Variants in RCAN2 observed in about 807,000 individuals in gnomAD.
The protein encoded by RCAN2 is calcipressin-2.
RCAN2 carries 9 observed loss-of-function variants against 23.6 expected under a neutral mutation model. That is an observed-to-expected ratio of 0.38 (90% CI 0.23 to 0.67). The LOEUF (loss-of-function observed/expected upper bound fraction) is 0.67, where lower values mean the gene tolerates loss of function less well. RCAN2 is among the 30% of genes least tolerant of loss of function. RCAN2 has a pLI of 0.51. For missense variants in RCAN2, 273 were observed against 302.3 expected, an observed-to-expected ratio of 0.90 and a Z score of 0.72; for synonymous variants, 109 against 115.7, an observed-to-expected ratio of 0.94 and a Z score of 0.37.
Position 46,453,740 on chromosome 6 carries a change from T to G in RCAN2, c.225+3012A>C, listed in dbSNP as rs139487411. ...AGAATGCTGCAAGACTCATTTGTGA[T>G]AGAAAGCAAAAGGTTTAATTCCTAC... On this transcript the variant is annotated intron_variant, in intron 2 of 4. Transcript: ENST00000371374. Among the ~76,000 whole-genome samples the G allele has an allele frequency of 5.7e-3, 869 of 152,292 alleles. 9 individuals are homozygous for G. The highest frequency in any genetic ancestry group is 7.8e-3 in the Non-Finnish European group (532 of 68,020).
intron 2 of RCAN2, among the ~76,000 whole-genome samples, chr6:46,290,150 T>C (rs1335262550): frequency 2.7e-5 from 4 of 150,692 alleles, no homozygotes; most frequent in African/African-American, 9.8e-5. Flanking sequence ...AAAAAAAAAA[T>C]GCATCTTAGG....
At chr6:46,441,846 C>A (rs979393947) in intron 2 of RCAN2, among the ~76,000 whole-genome samples, 1 of 152,142 alleles carries the variant, frequency 6.6e-6, no homozygotes, top group African/African-American at 2.4e-5. Flanking sequence ...ACAAAATTAT[C>A]AATGAACAGG....
chr6:46,450,980 T>C (rs1239590576), intron 2 of RCAN2, among the ~76,000 whole-genome samples: 1 of 152,084 alleles, frequency 6.6e-6, no homozygotes, highest in African/African-American at 2.4e-5. Flanking sequence ...TAGCTCAAAT[T>C]AGTCATTACA....
chr6:46,286,677 A>G (rs1345404065), intron 2 of RCAN2, among the ~76,000 whole-genome samples: 1 of 152,172 alleles, frequency 6.6e-6, no homozygotes, highest in Non-Finnish European at 1.5e-5. Context: ...CTCTCTGTGG[A>G]CTGAAGAACA....
At position 46,246,865 on chromosome 6, in the gene RCAN2, C is replaced by T; in HGVS notation, c.454G>A (p.Ala152Thr). The T allele has an allele frequency of 6.2e-7, 1 of 1,610,166 alleles. No homozygotes were observed. Among genetic ancestry groups the T allele is most frequent in the South Asian group, 1.1e-5 (1 of 90,552 alleles). The change falls in exon 4 of 5, where the codon GCC (alanine) becomes ACC (threonine). Residue 152 changes from alanine to threonine, a missense_variant. Transcript: ENST00000371374. ...DKLHLAPPQP[A>T]KQFLISPPSS... ...GGGGGCGAGATGAGAAACTGTTTGG[C>T]AGGCTGGGGTGGAGCCAAGTGCAGT...
Position 46,222,371 on chromosome 6 carries a change from G to A in RCAN2, c.*770C>T, listed in dbSNP as rs187319556. On this transcript the variant is annotated 3_prime_UTR_variant, in exon 5 of 5. Coordinates refer to ENST00000371374, the MANE Select transcript of RCAN2 (RefSeq NM_001251974.2). ...TGAAACTTTTGTAATAAATAGGTTT[G>A]TCTGAAATCAGTCTCTATCACCCTG... The A allele has an allele frequency of 2.3e-3, 376 of 161,924 alleles. No homozygotes were observed. The highest frequency in any genetic ancestry group is 3.5e-3 in the South Asian group (17 of 4,912). The allele number at this position is 161,924 out of a possible 1,614,324, so 10.0% of individuals were successfully genotyped here. A position where few individuals can be genotyped will look rare whatever the true frequency, so the allele number is the denominator to read the frequency against.
intron 2 of RCAN2, among the ~76,000 whole-genome samples, chr6:46,393,499 G>A (rs1356858206): frequency 1.3e-5 from 2 of 152,076 alleles, no homozygotes; most frequent in Non-Finnish European, 2.9e-5. Context: ...GTGGGATGAG[G>A]GGCATTTCTA....
intron 2 of RCAN2, among the ~76,000 whole-genome samples, chr6:46,367,060 C>T (rs1038046039): frequency 5.5e-4 from 34 of 61,572 alleles, no homozygotes; most frequent in African/African-American, 1.5e-3. Flanking sequence ...TATATCCTAG[C>T]TGATGGTCCA....
At chr6:46,353,353 G>C (rs986704134) in intron 2 of RCAN2, among the ~76,000 whole-genome samples, 1 of 152,084 alleles carries the variant, frequency 6.6e-6, no homozygotes, top group African/African-American at 2.4e-5. Context: ...TTTTGGGTGT[G>C]GGGGAGGAGA....
intron 2 of RCAN2, among the ~76,000 whole-genome samples, chr6:46,292,271 G>A (rs974044086): frequency 2.0e-5 from 3 of 152,124 alleles, no homozygotes; most frequent in Non-Finnish European, 2.9e-5. Flanking sequence ...TTAAGCAAGT[G>A]GATCCAGTAG....
At chr6:46,258,531 GCCTTTAT>G (rs1271768228) in intron 2 of RCAN2, among the ~76,000 whole-genome samples, 1 of 152,120 alleles carries the variant, frequency 6.6e-6, no homozygotes, top group Non-Finnish European at 1.5e-5. Flanking sequence ...AGGTATAGAA[GCCTTTAT>G]CCTTTCTCCC....
intron 2 of RCAN2, among the ~76,000 whole-genome samples, chr6:46,421,988 C>T (rs530227023): frequency 4.6e-5 from 7 of 152,224 alleles, no homozygotes; most frequent in East Asian, 1.9e-4. Context: ...AAGTGAGCTA[C>T]GTATAGGACC....
At chr6:46,227,407 T>C (rs1208735562) in intron 4 of RCAN2, among the ~76,000 whole-genome samples, 1 of 152,208 alleles carries the variant, frequency 6.6e-6, no homozygotes, top group East Asian at 1.9e-4. Context: ...TGTGAATACA[T>C]CTGGTTCTGG....
intron 2 of RCAN2, among the ~76,000 whole-genome samples, chr6:46,387,196 G>C (rs1265446320): frequency 6.6e-6 from 1 of 152,132 alleles, no homozygotes; most frequent in Non-Finnish European, 1.5e-5. Context: ...GCATGGGCAA[G>C]GATTTCATGT....
intron 1 of RCAN2, among the ~76,000 whole-genome samples, chr6:46,471,116 A>C (rs1459377493): frequency 6.6e-6 from 1 of 152,232 alleles, no homozygotes; most frequent in Non-Finnish European, 1.5e-5. Flanking sequence ...AGAGTGTACA[A>C]GATGGGTTCA....
chr6:46,444,061 G>A (rs1767627249), intron 2 of RCAN2, among the ~76,000 whole-genome samples: 1 of 152,202 alleles, frequency 6.6e-6, no homozygotes, highest in Admixed American at 6.5e-5. Flanking sequence ...CAAGTCACTA[G>A]AAATACAAAG....
chr6:46,286,232 T>A (rs1421760747), intron 2 of RCAN2, among the ~76,000 whole-genome samples: 1 of 152,220 alleles, frequency 6.6e-6, no homozygotes, highest in Non-Finnish European at 1.5e-5. Flanking sequence ...AGGCAAATGC[T>A]GACCTATACC....
chr6:46,373,326 G>A (rs538361241), intron 2 of RCAN2, among the ~76,000 whole-genome samples: 34 of 152,110 alleles, frequency 2.2e-4, no homozygotes, highest in Middle Eastern at 6.8e-3. Context: ...GTGCAGTGGC[G>A]CAATCTTGGC....
chr6:46,336,687 G>T (rs373371620), intron 2 of RCAN2, among the ~76,000 whole-genome samples: 2 of 152,188 alleles, frequency 1.3e-5, no homozygotes, highest in African/African-American at 4.8e-5. Context: ...ATCCAGTAAG[G>T]TATGTGAATC....
Sources: gnomAD v4.1 joint callset for allele counts (sites outside exome capture counted in the v4.1 genomes callset) on GRCh38, gnomAD v4.1.1 for gene constraint, MANE v1.5 for transcripts, NCBI Gene and HGNC (gene_info 2026-07-23, HGNC 2026-07-21) for gene names.